Variants in KDM4C observed in about 807,000 individuals in gnomAD.
The protein encoded by KDM4C is lysine demethylase 4C.
Under a neutral mutation model 129.3 loss-of-function variants are expected in KDM4C, and 81 were observed. The ratio of observed to expected loss-of-function variants is 0.63; its 90% CI spans 0.52 to 0.75. The LOEUF (loss-of-function observed/expected upper bound fraction) is 0.75, where lower values mean the gene tolerates loss of function less well. KDM4C is among the 30% of genes least tolerant of loss of function. KDM4C has a pLI of 0.00. For missense variants in KDM4C, 1,457 were observed against 1,304.0 expected, an observed-to-expected ratio of 1.12 and a Z score of -1.81; for synonymous variants, 573 against 456.1, an observed-to-expected ratio of 1.26 and a Z score of -3.26.
intron 19 of KDM4C, among the ~76,000 whole-genome samples, chr9:7,164,646 T>C (rs1844181390): frequency 1.3e-5 from 2 of 152,206 alleles, no homozygotes; most frequent in African/African-American, 4.8e-5. Flanking sequence ...CTCTGCTTTA[T>C]TGGCAAGTCC....
intron 12 of KDM4C, among the ~76,000 whole-genome samples, chr9:7,001,974 C>T (rs1272168378): frequency 6.6e-6 from 1 of 152,188 alleles, no homozygotes. Context: ...CTCACTGCAG[C>T]ATCCGCCTCC....
At chr9:6,883,834 C>T (rs1174005730) in intron 6 of KDM4C, among the ~76,000 whole-genome samples, 1 of 151,884 alleles carries the variant, frequency 6.6e-6, no homozygotes, top group African/African-American at 2.4e-5. Flanking sequence ...CTTGGGGAGT[C>T]CTTGGTGACT....
chr9:7,118,266 T>G (rs928540112), intron 18 of KDM4C, among the ~76,000 whole-genome samples: 1 of 152,134 alleles, frequency 6.6e-6, no homozygotes, highest in Non-Finnish European at 1.5e-5. Flanking sequence ...CCATGAGAAA[T>G]AAAAGTACAC....
At chr9:6,971,634 A>G (rs920444909) in intron 8 of KDM4C, among the ~76,000 whole-genome samples, 2 of 152,192 alleles carry the variant, frequency 1.3e-5, no homozygotes, top group Non-Finnish European at 2.9e-5. Flanking sequence ...AGAAATCTGT[A>G]TTGTAGTTTG....
At chr9:6,752,105 G>A (rs938313538) in intron 1 of KDM4C, among the ~76,000 whole-genome samples, 1 of 150,350 alleles carries the variant, frequency 6.7e-6, no homozygotes, top group African/African-American at 2.5e-5. Flanking sequence ...AGGCCGAGAC[G>A]GGCGGATCAC....
At chr9:7,045,269 T>G (rs1013571254) in intron 15 of KDM4C, among the ~76,000 whole-genome samples, 1 of 152,036 alleles carries the variant, frequency 6.6e-6, no homozygotes, top group East Asian at 1.9e-4. Context: ...TCACTGCTAC[T>G]TTCATTAATC....
chr9:6,768,539 T>TA (rs1330239324), intron 1 of KDM4C, among the ~76,000 whole-genome samples: 1 of 152,200 alleles, frequency 6.6e-6, no homozygotes. Flanking sequence ...TTAACACTGA[T>TA]ACATTACTAT....
chr9:6,952,082 T>C (rs1828253753), intron 8 of KDM4C, among the ~76,000 whole-genome samples: 1 of 152,170 alleles, frequency 6.6e-6, no homozygotes, highest in Non-Finnish European at 1.5e-5. Context: ...TTGATGATAC[T>C]GTAAACTGAT....
intron 17 of KDM4C, among the ~76,000 whole-genome samples, chr9:7,050,353 C>A (rs1419643169): frequency 6.4e-5 from 9 of 140,388 alleles, no homozygotes; most frequent in Non-Finnish European, 9.0e-5. Context: ...CTAAAGGTCA[C>A]AGTGACTGTC....
intron 1 of KDM4C, among the ~76,000 whole-genome samples, chr9:6,726,179 C>T (rs1448681984): frequency 6.6e-6 from 1 of 152,186 alleles, no homozygotes; most frequent in Non-Finnish European, 1.5e-5. Context: ...CTGCCTCAGC[C>T]TCCCAAAGTG....
chr9:7,146,835 C>G (rs1377234499), intron 19 of KDM4C, among the ~76,000 whole-genome samples: 1 of 152,188 alleles, frequency 6.6e-6, no homozygotes, highest in African/African-American at 2.4e-5. Flanking sequence ...ATGAGGATAA[C>G]AAACACGATT....
At chr9:7,021,823 AT>A (rs1236352565) in intron 15 of KDM4C, among the ~76,000 whole-genome samples, 3 of 152,104 alleles carry the variant, frequency 2.0e-5, no homozygotes, top group Non-Finnish European at 4.4e-5. Context: ...TTTTGATTTG[AT>A]TTTTGTATAT....
intron 4 of KDM4C, among the ~76,000 whole-genome samples, chr9:6,833,200 A>G (rs886641919): frequency 2.6e-5 from 4 of 152,160 alleles, no homozygotes; most frequent in East Asian, 3.8e-4. Context: ...TACAAGAGCC[A>G]TCTGTAGATA....
chr9:6,977,747 A>C (rs1265838894), intron 8 of KDM4C, among the ~76,000 whole-genome samples: 2 of 152,176 alleles, frequency 1.3e-5, no homozygotes, highest in Admixed American at 1.3e-4. Flanking sequence ...TGATCCAAAC[A>C]GGAGCTTGAT....
At chr9:7,169,049 TAAAAAA>T (rs77258477) in intron 20 of KDM4C, among the ~76,000 whole-genome samples, 5 of 128,076 alleles carry the variant, frequency 3.9e-5, no homozygotes, top group Non-Finnish European at 8.1e-5. Flanking sequence ...TGTCTCAATT[TAAAAAA>T]AAAAAAAAAA....
Position 6,764,562 on chromosome 9 carries a change from G to A in KDM4C, c.-18+6359G>A, listed in dbSNP as rs376271928. 3.3e-4 allele frequency among the ~76,000 whole-genome samples: 50 copies of A among 152,290 alleles called. 1 individual carries two copies. The East Asian group carries it at 5.0e-3, about 15-fold the overall frequency. The stretch of plus-strand genomic sequence containing the variant: ...GAACACAATAGACTGGATTCCCTAT[G>A]ATTTCATGGAAGTGGATTATTTTAA... On this transcript the variant is annotated intron_variant, in intron 1 of 21. Transcript: ENST00000381309.
chr9:6,921,496 A>G (rs762742901), intron 8 of KDM4C, among the ~76,000 whole-genome samples: 1 of 152,168 alleles, frequency 6.6e-6, no homozygotes, highest in Non-Finnish European at 1.5e-5. Context: ...CACCCAATCA[A>G]TTCTGTTGGC....
chr9:6,894,985 CTGTTT>C (rs375905623), intron 8 of KDM4C, among the ~76,000 whole-genome samples: 65 of 152,292 alleles, frequency 4.3e-4, no homozygotes, highest in African/African-American at 1.5e-3. Flanking sequence ...AGGGCTATGA[CTGTTT>C]TGTTTGGTTC....
chr9:6,907,577 G>T (rs772225484), intron 8 of KDM4C, among the ~76,000 whole-genome samples: 2 of 152,138 alleles, frequency 1.3e-5, no homozygotes, highest in Non-Finnish European at 2.9e-5. Context: ...GAAGAGGGTA[G>T]TATAAATATG....
Sources: gnomAD v4.1 joint callset for allele counts (sites outside exome capture counted in the v4.1 genomes callset) on GRCh38, gnomAD v4.1.1 for gene constraint, MANE v1.5 for transcripts, NCBI Gene and HGNC (gene_info 2026-07-23, HGNC 2026-07-21) for gene names.